WASL: variants seen among roughly 807,000 people sequenced by gnomAD.
The protein encoded by WASL is WASP like actin nucleation promoting factor, also known as actin nucleation-promoting factor WASL.
In WASL, 20 loss-of-function variants were observed where a neutral mutation model predicts 55.5. That is an observed-to-expected ratio of 0.36 (90% CI 0.25 to 0.52). The LOEUF (loss-of-function observed/expected upper bound fraction) is 0.52, where lower values mean the gene tolerates loss of function less well. Ranked by LOEUF, WASL falls within the 20% of genes least tolerant of loss-of-function variation. The pLI, the probability that WASL is intolerant of heterozygous loss-of-function variation, is 0.92. For synonymous variants in WASL, 249 were observed against 217.6 expected (o/e 1.14, Z -1.27); for missense variants, 504 against 622.5 (o/e 0.81, Z 2.03).
intron 1 of WASL, among the ~76,000 whole-genome samples, chr7:123,735,276 T>C (rs2116820402): frequency 6.6e-6 from 1 of 151,332 alleles, no homozygotes; most frequent in East Asian, 1.9e-4. Flanking sequence ...AATGACTTCA[T>C]GGAAAAAAAA....
intron 1 of WASL, among the ~76,000 whole-genome samples, chr7:123,734,528 A>C (rs1209487519): frequency 6.6e-6 from 1 of 150,542 alleles, no homozygotes; most frequent in Non-Finnish European, 1.5e-5. Context: ...CAGTCTATAA[A>C]GGCTACATAC....
At chr7:123,695,738 A>T (rs1416838852) in intron 7 of WASL, 85 bp downstream of exon 7, 1 of 1,407,516 alleles carries the variant, frequency 7.1e-7, no homozygotes, top group Admixed American at 1.9e-5. Context: ...ACTAGAAACC[A>T]CAAAAATGAA....
chr7:123,746,577 T>C (rs968936023), intron 1 of WASL, among the ~76,000 whole-genome samples: 1 of 152,242 alleles, frequency 6.6e-6, no homozygotes, highest in Non-Finnish European at 1.5e-5. Flanking sequence ...TTGAAATTAG[T>C]ATTTGCAACG....
At chr7:123,700,084 G>A (rs1803555373) in intron 5 of WASL, among the ~76,000 whole-genome samples, 1 of 147,562 alleles carries the variant, frequency 6.8e-6, no homozygotes, top group African/African-American at 2.5e-5. Flanking sequence ...GCTGAGGCAG[G>A]AGAATGGCGT....
At position 123,748,803 on chromosome 7, in the gene WASL, TCTCG is replaced by T; in HGVS notation, c.-73_-70del. On this transcript the variant is annotated 5_prime_UTR_variant, in exon 1 of 11. Transcript: ENST00000223023. ...CGAGTGGGCGAGAGCTCGTTCCCCC[TCTCG>T]GTGACAGGGGCGGGGAGAAGTGGAG... 2 of 1,308,540 alleles carry T rather than the reference TCTCG, an allele frequency of 1.5e-6. No individual in the cohort carries two copies. The highest frequency in any genetic ancestry group is 1.0e-6 in the Non-Finnish European group (1 of 979,564). The allele number at this position is 1,308,540 out of a possible 1,614,324, so 81.1% of individuals were successfully genotyped here.
chr7:123,685,372 T>C (rs1395001874), intron 10 of WASL, among the ~76,000 whole-genome samples: 1 of 151,982 alleles, frequency 6.6e-6, no homozygotes, highest in Non-Finnish European at 1.5e-5. Context: ...TCACTCTCTC[T>C]AGTAAGATGG....
intron 1 of WASL, among the ~76,000 whole-genome samples, chr7:123,734,786 G>A (rs10282073): frequency 0.28 from 42,900 of 151,524 alleles, 6,531 homozygotes; most frequent in African/African-American, 0.38. Context: ...TAAATCTAAC[G>A]TCAACTATGA....
chr7:123,727,353 TCACA>T (rs150375537), intron 1 of WASL, among the ~76,000 whole-genome samples: 89 of 147,816 alleles, frequency 6.0e-4, no homozygotes, highest in Middle Eastern at 3.4e-3. Flanking sequence ...AAAATATGTG[TCACA>T]CACACACACA....
At position 123,713,312 on chromosome 7, in the gene WASL, C is replaced by T. The variant is rs144189864; in HGVS notation, c.118-4089G>A. Among the ~76,000 whole-genome samples the T allele has an allele frequency of 2.5e-3, 381 of 152,102 alleles. 4 individuals carry two copies. The highest frequency in any genetic ancestry group is 8.4e-3 in the African/African-American group (350 of 41,496). ...GGACTACCAGCACACACCACTATGA[C>T]GGGCTAATTTTCTAATTTTTTGTAG... On this transcript the variant is annotated intron_variant, in intron 1 of 10. Transcript: ENST00000223023.
rs1168247687 is a variant in WASL, at chr7:123,692,338, C to T, written c.1347+9G>A. The T allele has an allele frequency of 6.3e-7, 1 of 1,586,164 alleles. No homozygotes were observed. The highest frequency in any genetic ancestry group is 1.4e-5 in the African/African-American group (1 of 72,768). ...GGATCTAAAATGAAAAAAAAAAAAG[C>T]TTACTTACAGATTTTAGTTGGATAC... On this transcript the variant is annotated intron_variant, in intron 9 of 10. Transcript: ENST00000223023.
At chr7:123,714,900 G>A (rs1371818184) in intron 1 of WASL, among the ~76,000 whole-genome samples, 1 of 152,112 alleles carries the variant, frequency 6.6e-6, no homozygotes, top group East Asian at 1.9e-4. Flanking sequence ...GCGCTGGTGA[G>A]GAGTAAGTAT....
At chr7:123,742,507 T>C (rs1351451482) in intron 1 of WASL, among the ~76,000 whole-genome samples, 1 of 152,148 alleles carries the variant, frequency 6.6e-6, no homozygotes, top group Non-Finnish European at 1.5e-5. Context: ...AAAAACCGAT[T>C]TTTTTAATAT....
chr7:123,711,247 T>C (rs1245095667), intron 1 of WASL, among the ~76,000 whole-genome samples: 6 of 152,076 alleles, frequency 3.9e-5, no homozygotes, highest in African/African-American at 9.7e-5. Flanking sequence ...TAAAACATCA[T>C]GTGGCTATAT....
rs142072256 is a variant in WASL at position 123,701,456 on chromosome 7, A to C, written c.460+3178T>G. The stretch of plus-strand genomic sequence containing the variant: ...GGTGGCCTAGAGGCCTCTGATGTCA[A>C]GCAGTCACGAAGCTGAGAACAAATC... On this transcript the variant is annotated intron_variant, in intron 5 of 10. Coordinates refer to ENST00000223023, the MANE Select transcript of WASL (RefSeq NM_003941.4). Among the ~76,000 whole-genome samples the C allele has an allele frequency of 3.4e-3, 512 of 152,366 alleles. 3 individuals carry two copies. Among genetic ancestry groups the C allele is most frequent in the African/African-American group, 0.012 (499 of 41,594 alleles).
rs111340057 is a variant in WASL at position 123,689,570 on chromosome 7, T to C, written c.1348-420A>G. ...TTACGTGGGACGCACACTGAAGATA[T>C]TGAAAAACAACTGTAGAAACTTATA... is the stretch of plus-strand genomic sequence containing the variant. On this transcript the variant is annotated intron_variant, in intron 9 of 10. Coordinates refer to ENST00000223023, the MANE Select transcript of WASL (RefSeq NM_003941.4). 5.4e-3 allele frequency among the ~76,000 whole-genome samples: 826 copies of C among 152,300 alleles called. 6 individuals carry two copies. Among genetic ancestry groups the C allele is most frequent in the African/African-American group, 0.012 (509 of 41,560 alleles).
intron 1 of WASL, among the ~76,000 whole-genome samples, chr7:123,732,202 C>T (rs1047584228): frequency 1.7e-4 from 26 of 152,102 alleles, no homozygotes; most frequent in Middle Eastern, 3.4e-3. Flanking sequence ...TGGTGGCGGA[C>T]GCCTGTAGTC....
intron 1 of WASL, among the ~76,000 whole-genome samples, chr7:123,710,973 G>C (rs2116792324): frequency 6.6e-6 from 1 of 152,290 alleles, no homozygotes; most frequent in Non-Finnish European, 1.5e-5. Context: ...CAATTTGTTA[G>C]TTCTAAGGAG....
At chr7:123,696,905 A>C (rs1281152911) in intron 5 of WASL, among the ~76,000 whole-genome samples, 158 bp from the exon 6 acceptor site, 1 of 152,056 alleles carries the variant, frequency 6.6e-6, no homozygotes. Context: ...GTGCTGCCTA[A>C]ATTTCTAAAA....
rs1264813150 is a variant in WASL, at chr7:123,682,345, C to A, written c.*2174G>T. The A allele has an allele frequency of 6.6e-6, 1 of 152,136 alleles. No individual in the cohort carries two copies. The highest frequency in any genetic ancestry group is 1.5e-5 in the Non-Finnish European group (1 of 68,014). 9.4% of individuals were successfully genotyped at this position (152,136 alleles called of 1,614,324 possible). On this transcript the variant is annotated 3_prime_UTR_variant, in exon 11 of 11. Coordinates refer to ENST00000223023, the MANE Select transcript of WASL (RefSeq NM_003941.4). ...TTCATGCCTGGACTGAACTCCACAG[C>A]TGCTGTGTTTCAACCAACAGTAATT...
Sources: allele counts gnomAD v4.1 joint callset (sites outside exome capture counted in the v4.1 genomes callset), GRCh38; gene constraint gnomAD v4.1.1; transcripts MANE v1.5; gene names NCBI Gene and HGNC (gene_info 2026-07-23, HGNC 2026-07-21).